IL1RAPL2: variants seen among roughly 807,000 people sequenced by gnomAD.
IL1RAPL2 encodes interleukin 1 receptor accessory protein like 2, also known as X-linked interleukin-1 receptor accessory protein-like 2.
A neutral mutation model predicts 44.1 loss-of-function variants in IL1RAPL2; 3 were observed. That is an observed-to-expected ratio of 0.07 (90% CI 0.03 to 0.18). The LOEUF is 0.18. IL1RAPL2 is among the 10% of genes least tolerant of loss of function. The pLI is 1.00. For missense variants in IL1RAPL2, 391 were observed against 496.4 expected (o/e 0.79, Z 2.02); for synonymous variants, 181 against 178.8 (o/e 1.01, Z -0.10).
intron 2 of IL1RAPL2, among the ~76,000 whole-genome samples, chrX:105,026,914 C>T (rs1173649698): frequency 5.4e-5 from 6 of 110,834 alleles, no homozygotes; most frequent in African/African-American, 2.0e-4. Flanking sequence ...CATTATCTGA[C>T]TTCAAATTAT....
rs183126956 is a variant in IL1RAPL2, at chrX:105,095,341, G to T, written c.83-100134G>T. 3.6e-5 allele frequency among the ~76,000 whole-genome samples: 4 copies of T among 111,588 alleles called. No individual in the cohort carries two copies. The East Asian group carries it at 1.1e-3, about 31-fold the overall frequency. On this transcript the variant is annotated intron_variant, in intron 2 of 10. Coordinates refer to ENST00000372582, the MANE Select transcript of IL1RAPL2 (RefSeq NM_017416.2). ...CCTCTATTGGATTGAGGATGTTTCT[G>T]TCTATTCTTAGTTTGTTGAGTGCTT...
At position 104,629,061 on chromosome X, in the gene IL1RAPL2, AATCT is replaced by A. The variant is rs1246631299; in HGVS notation, c.-19-29827_-19-29824del. On this transcript the variant is annotated intron_variant, in intron 1 of 10. Coordinates refer to ENST00000372582, the MANE Select transcript of IL1RAPL2 (RefSeq NM_017416.2). ...GATATGATTCCACATATAATGGAAA[AATCT>A]ATCTATGCATGCATAAGAATGTGTG... Among the ~76,000 whole-genome samples, 40 of 112,252 alleles carry A rather than the reference AATCT, an allele frequency of 3.6e-4. No individual in the cohort carries two copies. In the South Asian group the frequency reaches 0.015, roughly 41 times the overall value.
intron 6 of IL1RAPL2, among the ~76,000 whole-genome samples, chrX:105,622,938 G>A (rs1455226489): frequency 9.0e-6 from 1 of 110,762 alleles, no homozygotes; most frequent in Non-Finnish European, 1.9e-5. Context: ...TGTCCCTCAT[G>A]TGAGTCTGTT....
At chrX:104,671,240 G>T (rs182193069) in intron 2 of IL1RAPL2, among the ~76,000 whole-genome samples, 237 of 110,723 alleles carry the variant, frequency 2.1e-3, no homozygotes, top group Non-Finnish European at 3.7e-3. Context: ...AGGCTTCTCA[G>T]TCCTATTTTT....
intron 2 of IL1RAPL2, among the ~76,000 whole-genome samples, chrX:105,102,102 C>T (rs753846005): frequency 4.1e-4 from 46 of 111,713 alleles, no homozygotes; most frequent in Admixed American, 4.0e-3. Context: ...ATCTAGTTTT[C>T]GAGAGTAGTC....
intron 2 of IL1RAPL2, among the ~76,000 whole-genome samples, chrX:104,738,105 T>C (rs912656358): frequency 1.8e-5 from 2 of 112,423 alleles, no homozygotes; most frequent in South Asian, 3.7e-4. Flanking sequence ...ATTTATCTAA[T>C]GCTTCCACAG....
In IL1RAPL2 at chrX:104,762,898, G is replaced by T. The variant is rs766060700; in HGVS notation, c.82+103903G>T. On this transcript the variant is annotated intron_variant, in intron 2 of 10. Coordinates refer to ENST00000372582, the MANE Select transcript of IL1RAPL2 (RefSeq NM_017416.2). ...ACCATTTTTTCCTCCTAGGCCTCTG[G>T]GCCTGTGATGGGAGCAGCTGCCATG... Among the ~76,000 whole-genome samples the T allele has an allele frequency of 2.2e-4, 25 of 111,834 alleles. 1 individual carries two copies. Among genetic ancestry groups the T allele is most frequent in the Non-Finnish European group, 4.1e-4 (22 of 53,053 alleles).
At chrX:105,192,121 C>A (rs1040740987) in intron 2 of IL1RAPL2, among the ~76,000 whole-genome samples, 4 of 112,257 alleles carry the variant, frequency 3.6e-5, no homozygotes, top group African/African-American at 1.3e-4. Flanking sequence ...TGATCAGTAG[C>A]CTGCACCTTT....
chrX:104,913,888 TTAAAAA>T (rs756095513), intron 2 of IL1RAPL2, among the ~76,000 whole-genome samples: 14 of 112,465 alleles, frequency 1.2e-4, no homozygotes, highest in Admixed American at 1.1e-3. Context: ...TATAGGGACT[TTAAAAA>T]TAGGTTTTGG....
intron 6 of IL1RAPL2, among the ~76,000 whole-genome samples, chrX:105,579,043 G>A (rs1221513832): frequency 9.0e-6 from 1 of 111,675 alleles, no homozygotes; most frequent in Non-Finnish European, 1.9e-5. Context: ...TGTTTGGCTT[G>A]CATGTCTTGT....
In IL1RAPL2 at chrX:105,218,788, G is replaced by A. The variant is rs1159496472; in HGVS notation, c.357-15030G>A. The A allele has an allele frequency of 1.0e-5, 4 of 389,122 alleles. No homozygotes were observed. In the African/African-American group the frequency reaches 1.2e-4, roughly 12 times the overall value. The allele number at this position is 389,122 out of a possible 1,213,427, so 32.1% of individuals were successfully genotyped here. ...CCCCTACTTTCCTCCCCCTCCTCCA[G>A]TCACCACCCCTATCTCTGAAGTTAT... On this transcript the variant is annotated intron_variant, in intron 3 of 10. Transcript: ENST00000372582.
chrX:105,181,831 G>A (rs781782931), intron 2 of IL1RAPL2, among the ~76,000 whole-genome samples: 4 of 110,694 alleles, frequency 3.6e-5, no homozygotes, highest in Admixed American at 1.9e-4. Flanking sequence ...TTGGGAGGCC[G>A]AGGCAGGTGG....
intron 6 of IL1RAPL2, among the ~76,000 whole-genome samples, chrX:105,537,987 C>T (rs1006528879): frequency 3.4e-4 from 37 of 108,614 alleles, no homozygotes; most frequent in Non-Finnish European, 6.3e-4. Context: ...AAAATTGTGC[C>T]TCTTCAGTTA....
intron 5 of IL1RAPL2, among the ~76,000 whole-genome samples, chrX:105,336,110 C>T (rs1602363488): frequency 8.9e-6 from 1 of 111,957 alleles, no homozygotes; most frequent in Non-Finnish European, 1.9e-5. Flanking sequence ...GTTATAGTGT[C>T]AATGAATAGC....
chrX:105,394,204 A>G (rs1214139069), intron 5 of IL1RAPL2, among the ~76,000 whole-genome samples: 1 of 112,205 alleles, frequency 8.9e-6, no homozygotes, highest in African/African-American at 3.2e-5. Flanking sequence ...GAAAGTAGCC[A>G]TTAGAAAAAG....
intron 10 of IL1RAPL2, among the ~76,000 whole-genome samples, chrX:105,756,289 CGA>C (rs2038638641): frequency 9.0e-6 from 1 of 111,629 alleles, no homozygotes; most frequent in East Asian, 2.8e-4. Context: ...CCCTGTGTTG[CGA>C]GAGAGTAGGT....
At chrX:104,677,891 C>T (rs1033245674) in intron 2 of IL1RAPL2, among the ~76,000 whole-genome samples, 2 of 112,288 alleles carry the variant, frequency 1.8e-5, no homozygotes, top group Non-Finnish European at 3.8e-5. Flanking sequence ...TTCTTTGACT[C>T]GGAAAGGGAA....
At chrX:105,033,251 T>C (rs534017526) in intron 2 of IL1RAPL2, among the ~76,000 whole-genome samples, 1 of 111,732 alleles carries the variant, frequency 8.9e-6, no homozygotes, top group Middle Eastern at 4.6e-3. Context: ...TATGTGTGAA[T>C]TTGATCCTGT....
At chrX:105,354,011 A>T (rs1316609878) in intron 5 of IL1RAPL2, among the ~76,000 whole-genome samples, 3 of 110,901 alleles carry the variant, frequency 2.7e-5, no homozygotes, top group Non-Finnish European at 5.7e-5. Flanking sequence ...GTCTTGTGCC[A>T]GTTTTCAAAG....
Sources: allele counts gnomAD v4.1 joint callset (sites outside exome capture counted in the v4.1 genomes callset), GRCh38; gene constraint gnomAD v4.1.1; transcripts MANE v1.5; gene names NCBI Gene and HGNC (gene_info 2026-07-23, HGNC 2026-07-21).